The following RGS5 variants were observed in gnomAD, a reference collection of about 807,000 sequenced individuals.
RGS5 encodes the protein regulator of G protein signaling 5, also known as regulator of G-protein signalling 5.
In RGS5, 20 loss-of-function variants were observed where a neutral mutation model predicts 18.9. The observed-to-expected ratio is 1.06, with a 90% confidence interval of 0.74 to 1.54. RGS5 has a LOEUF of 1.54. Among genes scored for constraint, RGS5 ranks in the 40% most tolerant of loss-of-function variants. The pLI, the probability that RGS5 is intolerant of heterozygous loss-of-function variation, is 0.00. For synonymous variants in RGS5, 57 were observed against 76.2 expected, an observed-to-expected ratio of 0.75 and a Z score of 1.31; for missense variants, 201 against 211.8, an observed-to-expected ratio of 0.95 and a Z score of 0.32.
At chr1:163,283,531 C>T (rs965284646) in intron 2 of RGS5, among the ~76,000 whole-genome samples, 3 of 152,100 alleles carry the variant, frequency 2.0e-5, no homozygotes, top group African/African-American at 7.2e-5. Context: ...ATTCCTGTAT[C>T]CTGATTTCAT....
intron 2 of RGS5, among the ~76,000 whole-genome samples, chr1:163,256,216 C>T (rs867110270): frequency 1.6e-4 from 24 of 151,872 alleles, no homozygotes; most frequent in Admixed American, 5.3e-4. Context: ...AAAACCCCAT[C>T]GTCTCAGCCC....
At chr1:163,315,922 T>C (rs1465172845) in intron 1 of RGS5, among the ~76,000 whole-genome samples, 2 of 152,228 alleles carry the variant, frequency 1.3e-5, no homozygotes, top group African/African-American at 2.4e-5. Flanking sequence ...CTTTTATGAA[T>C]GAAAATGAAA....
intron 2 of RGS5, chr1:163,260,759 G>A (rs1319811513): frequency 1.3e-5 from 2 of 151,620 alleles, no homozygotes; most frequent in African/African-American, 4.8e-5. Context: ...TACCTAACAT[G>A]TCATGTATTT....
At chr1:163,194,042 G>A (rs1328925647) in intron 1 of RGS5, among the ~76,000 whole-genome samples, 3 of 152,112 alleles carry the variant, frequency 2.0e-5, no homozygotes, top group African/African-American at 4.8e-5. Flanking sequence ...GAAGTTAACT[G>A]TAAATAAAGT....
At chr1:163,248,459 C>A (rs1435468317) in intron 2 of RGS5, 1 of 152,084 alleles carries the variant, frequency 6.6e-6, no homozygotes, top group Non-Finnish European at 1.5e-5. Flanking sequence ...AATAGCATTA[C>A]CCTTGTTTAA....
chr1:163,291,854 A>T (rs991299842), intron 2 of RGS5, among the ~76,000 whole-genome samples: 1 of 152,174 alleles, frequency 6.6e-6, no homozygotes, highest in African/African-American at 2.4e-5. Context: ...CGGTGTGGCC[A>T]GACTTGTGTT....
At chr1:163,267,310 G>C (rs946657763) in intron 2 of RGS5, 3 of 152,054 alleles carry the variant, frequency 2.0e-5, no homozygotes, top group Non-Finnish European at 4.4e-5. Flanking sequence ...TCCTCACCAG[G>C]CACCTTGAAC....
At chr1:163,299,673 A>G (rs1160040382) in intron 2 of RGS5, among the ~76,000 whole-genome samples, 2 of 152,238 alleles carry the variant, frequency 1.3e-5, no homozygotes, top group East Asian at 1.9e-4. Flanking sequence ...AAACACTGGG[A>G]TATTTTCTCA....
chr1:163,217,933 A>G (rs1660253489), upstream of RGS5, among the ~76,000 whole-genome samples: 1 of 152,198 alleles, frequency 6.6e-6, no homozygotes, highest in African/African-American at 2.4e-5. Flanking sequence ...CGCAAGAGGT[A>G]GGACATGGAG....
chr1:163,153,113 A>T (rs1657442573), intron 3 of RGS5, among the ~76,000 whole-genome samples: 1 of 152,226 alleles, frequency 6.6e-6, no homozygotes. Flanking sequence ...TAATACATTT[A>T]AAACTTGGCT....
intron 1 of RGS5, among the ~76,000 whole-genome samples, chr1:163,313,130 T>C (rs1019645949): frequency 2.0e-5 from 3 of 152,202 alleles, no homozygotes; most frequent in Non-Finnish European, 4.4e-5. Flanking sequence ...TCAATATCAA[T>C]TGGGGTAGAA....
At chr1:163,240,893 G>A (rs750543718) in intron 2 of RGS5, among the ~76,000 whole-genome samples, 4 of 152,110 alleles carry the variant, frequency 2.6e-5, no homozygotes, top group South Asian at 2.1e-4. Flanking sequence ...TATCTAAGGC[G>A]TGTGATGGCA....
intron 4 of RGS5, among the ~76,000 whole-genome samples, chr1:163,147,918 C>CTTTTTTTTTTTT (rs534448527): frequency 1.3e-5 from 1 of 78,090 alleles, no homozygotes; most frequent in Non-Finnish European, 2.2e-5. Flanking sequence ...TTTTCTTTTT[C>CTTTTTTTTTTTT]TTTTTTTTTT....
intron 1 of RGS5, among the ~76,000 whole-genome samples, chr1:163,197,845 T>C (rs921132723): frequency 6.6e-6 from 1 of 152,174 alleles, no homozygotes; most frequent in South Asian, 2.1e-4. Flanking sequence ...GTTTCTTTGA[T>C]GGTCCTCAAT....
At chr1:163,317,610 T>C (rs1650062201) in intron 1 of RGS5, among the ~76,000 whole-genome samples, 1 of 152,182 alleles carries the variant, frequency 6.6e-6, no homozygotes, top group African/African-American at 2.4e-5. Flanking sequence ...AACCTAATCA[T>C]GTTGAAACCA....
At chr1:163,321,350 T>C (rs928200837) in intron 1 of RGS5, 2 of 152,238 alleles carry the variant, frequency 1.3e-5, no homozygotes, top group African/African-American at 2.4e-5. Context: ...TGAACTGTTA[T>C]GTTCCTTCCA....
chr1:163,306,756 G>A (rs1048566004), intron 1 of RGS5, among the ~76,000 whole-genome samples: 1 of 152,080 alleles, frequency 6.6e-6, no homozygotes, highest in Non-Finnish European at 1.5e-5. Context: ...ATACACACAA[G>A]AATGCCATGT....
chr1:163,292,324 C>T lies in RGS5; in HGVS notation c.-281+13909G>A, dbSNP rs1347032952. 3.3e-5 allele frequency among the ~76,000 whole-genome samples: 5 copies of T among 152,170 alleles called. No homozygotes were observed. The East Asian group carries it at 7.7e-4, about 23-fold the overall frequency. ...TAAGAATAATGGCCTCCAACTCCAT[C>T]CATGTCCCTGCAAAAGACATGATCT... On this transcript the variant is annotated intron_variant, in intron 2 of 5. Coordinates refer to the RGS5 transcript ENST00000618415.
chr1:163,278,323 C>T (rs1648908137), intron 2 of RGS5, among the ~76,000 whole-genome samples: 1 of 152,050 alleles, frequency 6.6e-6, no homozygotes, highest in African/African-American at 2.4e-5. Flanking sequence ...ACCTTACAGG[C>T]TGTGAAAAGT....
Sources: allele counts gnomAD v4.1 joint callset (sites outside exome capture counted in the v4.1 genomes callset), GRCh38; gene constraint gnomAD v4.1.1; transcripts MANE v1.5; gene names NCBI Gene and HGNC (gene_info 2026-07-23, HGNC 2026-07-21).